The following FRAS1 variants were observed in gnomAD, a reference collection of about 807,000 sequenced individuals.
The protein encoded by FRAS1 is extracellular matrix organizing protein FRAS1.
A neutral mutation model predicts 435.2 loss-of-function variants in FRAS1; 290 were observed. That is an observed-to-expected ratio of 0.67 (90% CI 0.61 to 0.73). The LOEUF (loss-of-function observed/expected upper bound fraction) is 0.73. Among genes scored for constraint, FRAS1 ranks in the 30% least tolerant of loss-of-function variants. The pLI is 0.00. For synonymous variants in FRAS1, 1,800 were observed against 1,851.0 expected (o/e 0.97, Z 0.71); for missense variants, 4,860 against 5,001.5 (o/e 0.97, Z 0.85).
chr4:78,451,836 G>A lies in FRAS1; in HGVS notation c.6528G>A (p.Val2176=). 6.2e-7 allele frequency: 1 copy of A among 1,612,902 alleles called. No individual in the cohort carries two copies. Among genetic ancestry groups the A allele is most frequent in the South Asian group, 1.1e-5 (1 of 90,952 alleles). ...PGGSFAFKFD[V]VDGEGNRLID... is the part of the protein sequence containing the mutation. ...GGAGCTTTGCTTTTAAATTTGATGTGGTTGATGGAGAAGGCAACAGATTGA... is the reference window on the plus strand; with the variant it reads ...GGAGCTTTGCTTTTAAATTTGATGTAGTTGATGGAGAAGGCAACAGATTGA... The change falls in exon 46 of 74, where the codon GTG becomes GTA. Residue 2176 remains valine (V), a synonymous_variant. Transcript: ENST00000512123.
In FRAS1 at chr4:78,380,003, C is replaced by G; in HGVS notation, c.3563+7C>G. On this transcript the variant is annotated splice_region_variant and intron_variant, in intron 27 of 73. Transcript: ENST00000512123. Reference sequence around the variant, plus strand: ...ACAGCAAAGAAAAACTCAGGTGACTCTGTGTTCTGTTGTTTTCTTCCTGCC... The same window carrying G: ...ACAGCAAAGAAAAACTCAGGTGACTGTGTGTTCTGTTGTTTTCTTCCTGCC... 1 of 1,610,354 alleles carries G rather than the reference C, an allele frequency of 6.2e-7. No individual in the cohort carries two copies. Among genetic ancestry groups the G allele is most frequent in the Non-Finnish European group, 8.5e-7 (1 of 1,178,634 alleles).
chr4:78,539,388 G>A lies in FRAS1; in HGVS notation c.11393G>A (p.Ser3798Asn), dbSNP rs774852718. Residue 3798 changes from serine (S) to asparagine (N), a missense_variant, in exon 73 of 74, where the codon AGT becomes AAT. Ser to Asn is a conservative substitution (Grantham distance 46, BLOSUM62 1). Transcript: ENST00000512123. ...ASELPDFHVV[S>N]NMPGVDGFTL... ...GAGTTGCCTGATTTCCATGTGGTCAGTAACATGCCAGGTGTGGATGGATTT... is the reference window on the plus strand; with the variant it reads ...GAGTTGCCTGATTTCCATGTGGTCAATAACATGCCAGGTGTGGATGGATTT... The A allele has an allele frequency of 1.9e-6, 3 of 1,612,080 alleles. No homozygotes were observed. The highest frequency in any genetic ancestry group is 2.5e-6 in the Non-Finnish European group (3 of 1,179,130).
chr4:78,470,145 C>A, intron 51 of FRAS1, 54 bp downstream of exon 51: 2 of 1,134,066 alleles, frequency 1.8e-6, no homozygotes, highest in Non-Finnish European at 2.6e-6. Context: ...CTACATCCTT[C>A]TTCACGACAA....
At chr4:78,423,212 G>A (rs1733860345) in intron 34 of FRAS1, among the ~76,000 whole-genome samples, 1 of 151,280 alleles carries the variant, frequency 6.6e-6, no homozygotes, top group South Asian at 2.1e-4. Flanking sequence ...TGTCACCCAG[G>A]CTGGAGTGCA....
chr4:78,497,829 C>T (rs962954164), intron 60 of FRAS1, among the ~76,000 whole-genome samples: 1 of 152,142 alleles, frequency 6.6e-6, no homozygotes, highest in Non-Finnish European at 1.5e-5. Context: ...CTAACTTGGA[C>T]ATTGGATAAA....
chr4:78,264,913 TG>T, intron 6 of FRAS1, 111 bp from the exon 7 acceptor site: 1 of 713,992 alleles, frequency 1.4e-6, no homozygotes, highest in Non-Finnish European at 2.6e-6. Flanking sequence ...AGGCAAGTGC[TG>T]TTATAGATGC....
rs1187935754 is a variant in FRAS1 at position 78,448,161 on chromosome 4, A to T, written c.6119A>T (p.Tyr2040Phe). 1 of 1,613,582 alleles carries T rather than the reference A, an allele frequency of 6.2e-7. No homozygotes were observed. The highest frequency in any genetic ancestry group is 8.5e-7 in the Non-Finnish European group (1 of 1,179,848). Residue 2040 changes from tyrosine to phenylalanine, a missense_variant, in exon 44 of 74, where the codon TAT becomes TTT. Transcript: ENST00000512123. ...YQDILAGLVGYVPSVPGMVVD... is the reference protein window; with the variant it reads ...YQDILAGLVGFVPSVPGMVVD... Reference sequence around the variant, plus strand: ...GATATCCTAGCTGGGCTGGTTGGGTATGTGCCTAGTGTCCCTGGCATGGTC... The same window carrying T: ...GATATCCTAGCTGGGCTGGTTGGGTTTGTGCCTAGTGTCCCTGGCATGGTC...
At chr4:78,493,157 G>A (rs1198153879) in intron 59 of FRAS1, among the ~76,000 whole-genome samples, 2 of 152,182 alleles carry the variant, frequency 1.3e-5, no homozygotes, top group African/African-American at 4.8e-5. Flanking sequence ...GGAAACAACA[G>A]ATTCTGGAGA....
At chr4:78,065,774 T>C (rs1390615219) in intron 1 of FRAS1, among the ~76,000 whole-genome samples, 2 of 152,220 alleles carry the variant, frequency 1.3e-5, no homozygotes, top group African/African-American at 4.8e-5. Context: ...GTTTTAATGA[T>C]GCTTTTCCTC....
intron 73 of FRAS1, among the ~76,000 whole-genome samples, chr4:78,540,122 C>T (rs368863626): frequency 5.3e-5 from 8 of 152,146 alleles, no homozygotes; most frequent in Admixed American, 3.9e-4. Flanking sequence ...ACTCCATTTT[C>T]GCTGAAGTTC....
In FRAS1 at chr4:78,449,472, G is replaced by A. The variant is rs545287294; in HGVS notation, c.6275-679G>A. Among the ~76,000 whole-genome samples the A allele has an allele frequency of 4.6e-5, 7 of 152,250 alleles. No individual in the cohort carries two copies. In the South Asian group the frequency reaches 1.5e-3, roughly 32 times the overall value. ...AAGAACATGTCACTCCAAACACCAG[G>A]ATGTATTATGCATGAATAACTAGGC... On this transcript the variant is annotated intron_variant, in intron 44 of 73. Coordinates refer to ENST00000512123, the MANE Select transcript of FRAS1 (RefSeq NM_025074.7).
In FRAS1 at chr4:78,317,857, C is replaced by G. The variant is rs187847407; in HGVS notation, c.1960+349C>G. 3.0e-3 allele frequency among the ~76,000 whole-genome samples: 463 copies of G among 152,078 alleles called. 3 individuals carry two copies. Among genetic ancestry groups the G allele is most frequent in the African/African-American group, 0.011 (452 of 41,480 alleles). On this transcript the variant is annotated intron_variant, in intron 17 of 73. Transcript: ENST00000512123. ...CATTTTGTTTTTCCCTAAAGAATTT[C>G]TTTTTGGTAATGACACTGCTGAGCA...
chr4:78,413,152 TAG>T (rs1733416651), intron 32 of FRAS1, 67 bp downstream of exon 32: 5 of 920,366 alleles, frequency 5.4e-6, no homozygotes, highest in Non-Finnish European at 8.4e-6. Context: ...TGGGATTTGA[TAG>T]AGTGTCCTGG....
intron 29 of FRAS1, among the ~76,000 whole-genome samples, chr4:78,398,494 A>G (rs1732759516): frequency 6.6e-6 from 1 of 152,214 alleles, no homozygotes; most frequent in African/African-American, 2.4e-5. Context: ...AATTGTGTTG[A>G]TAAGTACAGC....
At chr4:78,162,771 G>C (rs1294358434) in intron 2 of FRAS1, among the ~76,000 whole-genome samples, 3 of 152,162 alleles carry the variant, frequency 2.0e-5, no homozygotes, top group Non-Finnish European at 4.4e-5. Flanking sequence ...TTCAGGAGCT[G>C]GTTCGTTGTG....
Position 78,400,744 on chromosome 4 carries a change from G to A in FRAS1, c.3986G>A (p.Gly1329Asp), listed in dbSNP as rs375515578. ...QVKTVPQNDR[G>D]LQLVANSMVW... Reference sequence around the variant, plus strand: ...TTATTTTTATTTCAGAATGACAGGGGTCTTCAGCTTGTGGCTAATTCGATG... The same window carrying A: ...TTATTTTTATTTCAGAATGACAGGGATCTTCAGCTTGTGGCTAATTCGATG... The change falls in exon 30 of 74, where the codon GGT becomes GAT. Residue 1329 changes from glycine to aspartate, a missense_variant. Coordinates refer to ENST00000512123, the MANE Select transcript of FRAS1 (RefSeq NM_025074.7). 11 of 1,612,558 alleles carry A rather than the reference G, an allele frequency of 6.8e-6. No homozygotes were observed. The highest frequency in any genetic ancestry group is 4.0e-5 in the African/African-American group (3 of 74,850).
At chr4:78,242,971 G>T (rs1250306447) in intron 3 of FRAS1, among the ~76,000 whole-genome samples, 2 of 152,114 alleles carry the variant, frequency 1.3e-5, no homozygotes, top group Non-Finnish European at 2.9e-5. Flanking sequence ...GACAGAAAAA[G>T]ATTGAGAGAA....
In FRAS1 at chr4:78,544,177, C is replaced by T. The variant is rs915147651; in HGVS notation, c.*3053C>T. The T allele has an allele frequency of 2.6e-5, 4 of 152,550 alleles. No individual in the cohort carries two copies. Among genetic ancestry groups the T allele is most frequent in the African/African-American group, 7.2e-5 (3 of 41,428 alleles). The allele number at this position is 152,550 out of a possible 1,614,324, so 9.4% of individuals were successfully genotyped here. ...GACTCTCAAATGATTTTTGTATTTC[C>T]AATATGAATTTGTGTGTTATGAATT... On this transcript the variant is annotated 3_prime_UTR_variant, in exon 74 of 74. Coordinates refer to ENST00000512123, the MANE Select transcript of FRAS1 (RefSeq NM_025074.7).
chr4:78,526,808 A>G (rs1721548169), intron 70 of FRAS1, among the ~76,000 whole-genome samples, 151 bp downstream of exon 70: 1 of 152,200 alleles, frequency 6.6e-6, no homozygotes, highest in African/African-American at 2.4e-5. Context: ...CATTTGAGTC[A>G]CTTAACACAC....
Sources: allele counts gnomAD v4.1 joint callset (sites outside exome capture counted in the v4.1 genomes callset), GRCh38; gene constraint gnomAD v4.1.1; transcripts MANE v1.5; gene names NCBI Gene and HGNC (gene_info 2026-07-23, HGNC 2026-07-21).